The following SCAPER variants were observed in gnomAD, a reference collection of about 807,000 sequenced individuals.
SCAPER encodes S-phase cyclin A associated protein in the ER.
In SCAPER, 98 loss-of-function variants were observed where a neutral mutation model predicts 182.2. The ratio of observed to expected loss-of-function variants is 0.54; its 90% CI spans 0.46 to 0.64. The LOEUF (loss-of-function observed/expected upper bound fraction) is 0.64. Among genes scored for constraint, SCAPER ranks in the 30% least tolerant of loss-of-function variants. The pLI is 0.00. For synonymous variants in SCAPER, 605 were observed against 564.6 expected, an observed-to-expected ratio of 1.07 and a Z score of -1.01; for missense variants, 1,432 against 1,690.0, an observed-to-expected ratio of 0.85 and a Z score of 2.68.
chr15:76,673,723 T>C (rs980858886), intron 20 of SCAPER, among the ~76,000 whole-genome samples: 2 of 152,218 alleles, frequency 1.3e-5, no homozygotes, highest in African/African-American at 4.8e-5. Flanking sequence ...CCAGTAAAAG[T>C]AAGCAGAGTT....
In SCAPER at chr15:76,840,182, C is replaced by T. The variant is rs537232724; in HGVS notation, c.393+1552G>A. ...CCTATAATCCCACCACTTTGGAATGCTGAGGTAGGAGGATCGCTTGAGCCC... is the reference window on the plus strand; with the variant it reads ...CCTATAATCCCACCACTTTGGAATGTTGAGGTAGGAGGATCGCTTGAGCCC... On this transcript the variant is annotated intron_variant, in intron 5 of 31. Coordinates refer to ENST00000563290, the MANE Select transcript of SCAPER (RefSeq NM_020843.4). 2.0e-5 allele frequency among the ~76,000 whole-genome samples: 3 copies of T among 152,224 alleles called. No individual in the cohort carries two copies. In the South Asian group the frequency reaches 6.2e-4, roughly 32 times the overall value.
chr15:76,693,643 A>G, intron 20 of SCAPER, among the ~76,000 whole-genome samples: 1 of 152,326 alleles, frequency 6.6e-6, no homozygotes, highest in East Asian at 1.9e-4. Context: ...GAATATGATT[A>G]AATATAATGG....
intron 2 of SCAPER, among the ~76,000 whole-genome samples, chr15:76,868,080 C>T (rs1046092758): frequency 1.3e-5 from 2 of 152,098 alleles, no homozygotes; most frequent in African/African-American, 4.8e-5. Flanking sequence ...TGAAAGGTCA[C>T]ATGCTGAATA....
At chr15:76,456,535 A>G (rs920588237) in intron 25 of SCAPER, among the ~76,000 whole-genome samples, 1 of 152,212 alleles carries the variant, frequency 6.6e-6, no homozygotes, top group African/African-American at 2.4e-5. Context: ...GAACATCCTC[A>G]GTATGCTCAG....
At chr15:76,449,530 G>A (rs1284937168) in intron 25 of SCAPER, among the ~76,000 whole-genome samples, 6 of 152,124 alleles carry the variant, frequency 3.9e-5, no homozygotes, top group African/African-American at 1.4e-4. Context: ...ATCCCTTTGA[G>A]TCTGTTTTCT....
chr15:76,871,073 T>C (rs1158480008), intron 2 of SCAPER, among the ~76,000 whole-genome samples: 2 of 151,960 alleles, frequency 1.3e-5, no homozygotes, highest in African/African-American at 4.8e-5. Context: ...AGTGAAAAAG[T>C]AAGTAACTGC....
At chr15:76,510,895 G>A (rs561198241) in intron 23 of SCAPER, among the ~76,000 whole-genome samples, 4 of 152,060 alleles carry the variant, frequency 2.6e-5, no homozygotes, top group South Asian at 2.1e-4. Context: ...GTGTGCGCGC[G>A]CGCACGTATG....
At chr15:76,402,859 C>T (rs1219890034) in intron 27 of SCAPER, among the ~76,000 whole-genome samples, 1 of 152,026 alleles carries the variant, frequency 6.6e-6, no homozygotes, top group African/African-American at 2.4e-5. Context: ...CAGTTTGGCT[C>T]AGTTGTTTTT....
chr15:76,604,644 C>T (rs1354218904), intron 22 of SCAPER, among the ~76,000 whole-genome samples: 1 of 151,758 alleles, frequency 6.6e-6, no homozygotes, highest in Non-Finnish European at 1.5e-5. Flanking sequence ...GATATTGATT[C>T]TTCTTACCCA....
At chr15:76,532,481 C>T (rs1047783276) in intron 23 of SCAPER, among the ~76,000 whole-genome samples, 1 of 152,008 alleles carries the variant, frequency 6.6e-6, no homozygotes, top group Non-Finnish European at 1.5e-5. Context: ...GGATTACAGG[C>T]GTGAACCACC....
At chr15:76,550,398 T>C (rs2045658233) in intron 23 of SCAPER, among the ~76,000 whole-genome samples, 1 of 152,162 alleles carries the variant, frequency 6.6e-6, no homozygotes. Context: ...CATGTGTCCA[T>C]GTGTTCTCAC....
intron 3 of SCAPER, among the ~76,000 whole-genome samples, chr15:76,858,855 T>C (rs1362899194): frequency 1.3e-5 from 2 of 152,250 alleles, no homozygotes; most frequent in African/African-American, 4.8e-5. Context: ...TACCACATTT[T>C]CTTTATCCAG....
chr15:76,623,165 T>C (rs1023688823), intron 21 of SCAPER, among the ~76,000 whole-genome samples: 1 of 152,228 alleles, frequency 6.6e-6, no homozygotes, highest in African/African-American at 2.4e-5. Context: ...TTTGGATGCA[T>C]AGTTTGTGAA....
chr15:76,652,731 A>C (rs2055279920), intron 21 of SCAPER, among the ~76,000 whole-genome samples: 1 of 138,896 alleles, frequency 7.2e-6, no homozygotes, highest in African/African-American at 2.5e-5. Flanking sequence ...AATAATGATA[A>C]TAGTAAGAGC....
At position 76,434,161 on chromosome 15, in the gene SCAPER, A is replaced by G. The variant is rs1238929008; in HGVS notation, c.3228T>C (p.Ala1076=). 6.2e-7 allele frequency: 1 copy of G among 1,614,006 alleles called. No individual in the cohort carries two copies. Residue 1076 remains alanine (A), a synonymous_variant, in exon 26 of 32, where the codon GCT becomes GCC. Transcript: ENST00000563290. ...ANRPDGNCQP[A]TPKIPTQEMK... Reference sequence around the variant, plus strand: ...TTTCCTGTGTTGGTATTTTTGGGGTAGCTGGCTGGCAGTTTCCATCTGGTC... The same window carrying G: ...TTTCCTGTGTTGGTATTTTTGGGGTGGCTGGCTGGCAGTTTCCATCTGGTC...
rs1386250727 is a variant in SCAPER, at chr15:76,900,036, T to C, written c.-60+5263A>G. Among the ~76,000 whole-genome samples, 8 of 152,342 alleles carry C rather than the reference T, an allele frequency of 5.3e-5. 1 individual carries two copies. Among genetic ancestry groups the C allele is most frequent in the South Asian group, 4.1e-4 (2 of 4,828 alleles). On this transcript the variant is annotated intron_variant, in intron 1 of 31. Transcript: ENST00000563290. ...TTGGGATGCTGTTAATCTATAACCT[T>C]ACCCCCAACCCCCTGCTCTCTGAAA...
At chr15:76,714,216 C>T (rs1008594200) in intron 17 of SCAPER, among the ~76,000 whole-genome samples, 3 of 151,840 alleles carry the variant, frequency 2.0e-5, no homozygotes, top group South Asian at 2.1e-4. Context: ...AATATTTGGG[C>T]GGGGTGGTGA....
At position 76,665,734 on chromosome 15, in the gene SCAPER, G is replaced by T; in HGVS notation, c.2564C>A (p.Pro855Gln). ...TTCTCCATCTTTCAAAGCTTCTGCT[G>T]GAGCTGTACTTTCAACCACAATGTC... ...IIDIVVESTA[P>Q]AEALKDGEER... The change falls in exon 21 of 32, where the codon CCA becomes CAA. Residue 855 changes from proline to glutamine, a missense_variant. Transcript: ENST00000563290. 6.4e-7 allele frequency: 1 copy of T among 1,555,508 alleles called. No homozygotes were observed. Among genetic ancestry groups the T allele is most frequent in the Non-Finnish European group, 8.7e-7 (1 of 1,149,886 alleles).
Position 76,471,204 on chromosome 15 carries a change from T to C in SCAPER, c.3078+8A>G. The stretch of plus-strand genomic sequence containing the variant: ...CTGCTTCTAACTCAAAGCAATAATA[T>C]TACATACCGTCAACTGGTGTATCAG... On this transcript the variant is annotated splice_region_variant and intron_variant, in intron 25 of 31. Coordinates refer to ENST00000563290, the MANE Select transcript of SCAPER (RefSeq NM_020843.4). 1.3e-6 allele frequency: 2 copies of C among 1,598,998 alleles called. No individual in the cohort carries two copies. The highest frequency in any genetic ancestry group is 8.5e-7 in the Non-Finnish European group (1 of 1,173,768).
Sources: gnomAD v4.1 joint callset for allele counts (sites outside exome capture counted in the v4.1 genomes callset) on GRCh38, gnomAD v4.1.1 for gene constraint, MANE v1.5 for transcripts, NCBI Gene and HGNC (gene_info 2026-07-23, HGNC 2026-07-21) for gene names.